Variants in WNT2 observed in about 807,000 individuals in gnomAD.
The protein encoded by WNT2 is protein Wnt-2.
A neutral mutation model predicts 36.9 loss-of-function variants in WNT2; 12 were observed. That is an observed-to-expected ratio of 0.33 (90% CI 0.21 to 0.53). WNT2 has a LOEUF of 0.53. WNT2 is among the 20% of genes least tolerant of loss of function. The pLI is 0.95. For synonymous variants in WNT2, 163 were observed against 174.6 expected, an observed-to-expected ratio of 0.93 and a Z score of 0.52; for missense variants, 379 against 473.1, an observed-to-expected ratio of 0.80 and a Z score of 1.84.
Position 117,289,432 on chromosome 7 carries a change from C to A in WNT2, c.853+8180G>T, listed in dbSNP as rs142539434. Reference sequence around the variant, plus strand: ...AAACTCCATAAATGCCTCATGAATGCGCCTGAATATGAGGAAAAATTCCAT... The same window carrying A: ...AAACTCCATAAATGCCTCATGAATGAGCCTGAATATGAGGAAAAATTCCAT... On this transcript the variant is annotated intron_variant, in intron 4 of 4. Transcript: ENST00000265441. Among the ~76,000 whole-genome samples, 423 of 152,198 alleles carry A rather than the reference C, an allele frequency of 2.8e-3. 1 individual carries two copies. Among genetic ancestry groups the A allele is most frequent in the African/African-American group, 9.8e-3 (406 of 41,492 alleles).
chr7:117,300,213 T>C (rs1794876157), intron 3 of WNT2, among the ~76,000 whole-genome samples: 1 of 152,158 alleles, frequency 6.6e-6, no homozygotes. Context: ...TTTGAGACTG[T>C]GTCTTGCTCT....
chr7:117,285,462 T>C (rs555350665), intron 4 of WNT2, among the ~76,000 whole-genome samples: 1 of 152,322 alleles, frequency 6.6e-6, no homozygotes, highest in East Asian at 1.9e-4. Context: ...ATCAAGAATA[T>C]AATTACTCAG....
intron 1 of WNT2, chr7:117,321,999 A>C (rs1414321343): frequency 1.3e-5 from 2 of 152,346 alleles, no homozygotes; most frequent in African/African-American, 4.8e-5. Context: ...TTTAAAAATT[A>C]GCCCACGATA....
intron 3 of WNT2, among the ~76,000 whole-genome samples, chr7:117,312,630 T>C (rs1466021146): frequency 1.3e-5 from 2 of 152,220 alleles, no homozygotes. Context: ...TTAGTACTTA[T>C]TCATAGTCCT....
intron 4 of WNT2, among the ~76,000 whole-genome samples, chr7:117,287,642 C>A (rs1794610636): frequency 6.6e-6 from 1 of 152,110 alleles, no homozygotes; most frequent in East Asian, 1.9e-4. Context: ...ACTGTGTGGT[C>A]AACACATATG....
intron 4 of WNT2, among the ~76,000 whole-genome samples, chr7:117,292,864 T>C (rs561957478): frequency 6.6e-6 from 1 of 152,268 alleles, no homozygotes; most frequent in Admixed American, 6.5e-5. Context: ...AAAACATATA[T>C]ATATGAAACT....
intron 4 of WNT2, among the ~76,000 whole-genome samples, chr7:117,295,998 C>T (rs1281609682): frequency 6.6e-6 from 1 of 152,106 alleles, no homozygotes; most frequent in East Asian, 1.9e-4. Flanking sequence ...AAAATAAGAC[C>T]ATGTGTGCAA....
intron 4 of WNT2, among the ~76,000 whole-genome samples, chr7:117,296,478 C>T (rs149264631): frequency 1.3e-5 from 2 of 152,096 alleles, no homozygotes; most frequent in Admixed American, 6.5e-5. Context: ...GGTGCCTCTG[C>T]AATTATTTTG....
At position 117,277,761 on chromosome 7, in the gene WNT2, T is replaced by G; in HGVS notation, c.*394A>C. ...GTATGGAATTTCTTAATTGGGACCA[T>G]TTGTGGGAAGACATTGAGAAAGCTC... is the stretch of plus-strand genomic sequence containing the variant. On this transcript the variant is annotated 3_prime_UTR_variant, in exon 5 of 5. Coordinates refer to ENST00000265441, the MANE Select transcript of WNT2 (RefSeq NM_003391.3). The G allele has an allele frequency of 5.1e-6, 1 of 196,984 alleles. No individual in the cohort carries two copies. The highest frequency in any genetic ancestry group is 1.1e-5 in the Non-Finnish European group (1 of 94,832). The allele number at this position is 196,984 out of a possible 1,614,324, so 12.2% of individuals were successfully genotyped here.
At chr7:117,302,439 C>T (rs1389666218) in intron 3 of WNT2, among the ~76,000 whole-genome samples, 1 of 151,936 alleles carries the variant, frequency 6.6e-6, no homozygotes, top group African/African-American at 2.4e-5. Context: ...TAGTAACAGT[C>T]CAGGGGAAGA....
chr7:117,320,809 C>A lies in WNT2; in HGVS notation c.84-16G>T, dbSNP rs905790988. On this transcript the variant is annotated splice_polypyrimidine_tract_variant and intron_variant, in intron 1 of 4. Transcript: ENST00000265441. Reference sequence around the variant, plus strand: ...TCTCATGTACCTATAAGGGACCAACCAACACAGAGGTGAGGGCAACGTGAA... The same window carrying A: ...TCTCATGTACCTATAAGGGACCAACAAACACAGAGGTGAGGGCAACGTGAA... The A allele has an allele frequency of 1.3e-6, 2 of 1,597,778 alleles. No homozygotes were observed. The highest frequency in any genetic ancestry group is 1.7e-6 in the Non-Finnish European group (2 of 1,173,884).
intron 3 of WNT2, among the ~76,000 whole-genome samples, chr7:117,309,954 AT>A (rs201976296): frequency 1.1e-4 from 17 of 150,928 alleles, no homozygotes; most frequent in Non-Finnish European, 2.4e-4. Flanking sequence ...TAGTAAATCT[AT>A]TTTTTTTTGA....
intron 4 of WNT2, among the ~76,000 whole-genome samples, chr7:117,288,802 C>T (rs566609579): frequency 6.6e-6 from 1 of 151,784 alleles, no homozygotes; most frequent in Non-Finnish European, 1.5e-5. Context: ...TTTAGTGTAT[C>T]CTAAAAATAT....
In WNT2 at chr7:117,315,141, T is replaced by C. The variant is rs776475861; in HGVS notation, c.518A>G (p.Asp173Gly). The change falls in exon 3 of 5, where the codon GAT becomes GGT. Residue 173 changes from aspartate to glycine, a missense_variant. Physicochemically the swap from Asp to Gly is moderately conservative, Grantham distance 94 (BLOSUM62 -1). Transcript: ENST00000265441. ...ATCCTTTCCTTTCCTTTCCTTTGCA[T>C]CCACAAATGCGCGGGCAAATTTGAT... ...YGIKFARAFV[D>G]AKERKGKDAR... The C allele has an allele frequency of 3.1e-6, 5 of 1,614,080 alleles. No individual in the cohort carries two copies. Among genetic ancestry groups the C allele is most frequent in the Non-Finnish European group, 4.2e-6 (5 of 1,180,036 alleles).
At position 117,275,733 on chromosome 7, in the gene WNT2, G is replaced by A. The variant is rs57089859; in HGVS notation, c.*2422C>T. Reference sequence around the variant, plus strand: ...TCATTTGTTGTGTAATTTTTTTCCCGAACAATAGACATTTCCTCTTTCAGA... The same window carrying A: ...TCATTTGTTGTGTAATTTTTTTCCCAAACAATAGACATTTCCTCTTTCAGA... On this transcript the variant is annotated 3_prime_UTR_variant, in exon 5 of 5. Transcript: ENST00000265441. Among the ~76,000 whole-genome samples the A allele has an allele frequency of 2.0e-5, 3 of 152,126 alleles. No homozygotes were observed. Among genetic ancestry groups the A allele is most frequent in the African/African-American group, 4.8e-5 (2 of 41,510 alleles).
At position 117,278,380 on chromosome 7, in the gene WNT2, G is replaced by A; in HGVS notation, c.858C>T (p.Ser286=). The A allele has an allele frequency of 6.2e-7, 1 of 1,613,084 alleles. No individual in the cohort carries two copies. The highest frequency in any genetic ancestry group is 8.5e-7 in the Non-Finnish European group (1 of 1,179,566). ...DYCIRDREAG[S]LGTAGRVCNL... ...TGCACACACGGCCTGCTGTACCCAG[G>A]GAGCCTGGAAGACAAGCCAGGGAGT... is the stretch of plus-strand genomic sequence containing the variant. Residue 286 remains serine, a synonymous_variant, in exon 5 of 5, where the codon TCC becomes TCT. Transcript: ENST00000265441.
chr7:117,295,844 C>G (rs913404651), intron 4 of WNT2, among the ~76,000 whole-genome samples: 7 of 152,276 alleles, frequency 4.6e-5, no homozygotes, highest in East Asian at 3.9e-4. Flanking sequence ...GGTTGCTTAT[C>G]TGACTTAAAA....
chr7:117,304,802 CACTT>C (rs1280555723), intron 3 of WNT2, among the ~76,000 whole-genome samples: 1 of 152,142 alleles, frequency 6.6e-6, no homozygotes, highest in Non-Finnish European at 1.5e-5. Flanking sequence ...TCCTCTATGT[CACTT>C]ATGTTTTCTC....
At chr7:117,301,502 G>A (rs2116363816) in intron 3 of WNT2, among the ~76,000 whole-genome samples, 1 of 152,300 alleles carries the variant, frequency 6.6e-6, no homozygotes, top group Non-Finnish European at 1.5e-5. Context: ...TAACAACCAT[G>A]TATTGAGTGA....
Sources: allele counts gnomAD v4.1 joint callset (sites outside exome capture counted in the v4.1 genomes callset), GRCh38; gene constraint gnomAD v4.1.1; transcripts MANE v1.5; gene names NCBI Gene and HGNC (gene_info 2026-07-23, HGNC 2026-07-21).